FAM13B: variants seen among roughly 807,000 people sequenced by gnomAD.
FAM13B encodes family with sequence similarity 13 member B.
A neutral mutation model predicts 117.3 loss-of-function variants in FAM13B; 60 were observed. The observed-to-expected ratio is 0.51, with a 90% confidence interval of 0.42 to 0.63. The LOEUF (loss-of-function observed/expected upper bound fraction) is 0.63, where lower values mean the gene tolerates loss of function less well. FAM13B is among the 30% of genes least tolerant of loss of function. The probability of loss-of-function intolerance (pLI) is 0.00; values close to 1 mark genes in which losing one functional copy is unlikely to be tolerated. For missense variants in FAM13B, 972 were observed against 1,091.9 expected, an observed-to-expected ratio of 0.89 and a Z score of 1.55; for synonymous variants, 332 against 356.1, an observed-to-expected ratio of 0.93 and a Z score of 0.76.
chr5:137,954,455 T>TG (rs1025638444), intron 14 of FAM13B, 79 bp from the exon 15 acceptor site: 1 of 1,070,808 alleles, frequency 9.3e-7, no homozygotes, highest in African/African-American at 1.6e-5. Flanking sequence ...ATCAGCTATG[T>TG]GTTCCTTAAA....
chr5:138,042,578 C>T (rs1484294429), intron 1 of FAM13B, among the ~76,000 whole-genome samples: 1 of 150,294 alleles, frequency 6.7e-6, no homozygotes, highest in African/African-American at 2.5e-5. Flanking sequence ...ACAGTGTTTC[C>T]CAAAAAAAGC....
In FAM13B at chr5:137,939,826, T is replaced by C; in HGVS notation, c.*399A>G. 7.9e-7 allele frequency: 1 copy of C among 1,269,090 alleles called. No individual in the cohort carries two copies. The allele number at this position is 1,269,090 out of a possible 1,614,324, so 78.6% of individuals were successfully genotyped here. The stretch of plus-strand genomic sequence containing the variant: ...CTGTAAGAAAAAGGCAACAGAAGAA[T>C]TCAGTATGAAGATTTTCCTCCAATT... On this transcript the variant is annotated 3_prime_UTR_variant, in exon 24 of 24. Coordinates refer to ENST00000689681, the MANE Select transcript of FAM13B (RefSeq NM_001385994.1).
chr5:138,007,931 G>T (rs996287805), intron 6 of FAM13B, among the ~76,000 whole-genome samples: 1 of 152,186 alleles, frequency 6.6e-6, no homozygotes. Flanking sequence ...TCTGAGCAAT[G>T]CAAGTATGCT....
chr5:138,049,366 C>T (rs369923827), intron 1 of FAM13B, among the ~76,000 whole-genome samples: 18 of 152,124 alleles, frequency 1.2e-4, no homozygotes, highest in African/African-American at 3.6e-4. Flanking sequence ...CTCTGCCTCC[C>T]GGGTTCAAGC....
intron 7 of FAM13B, among the ~76,000 whole-genome samples, chr5:138,000,280 T>G (rs950103201): frequency 1.3e-5 from 2 of 152,030 alleles, no homozygotes; most frequent in South Asian, 2.1e-4. Flanking sequence ...ATGCCTGTAG[T>G]CCTAGCTATT....
intron 7 of FAM13B, among the ~76,000 whole-genome samples, chr5:137,996,734 G>T (rs999923113): frequency 3.9e-5 from 6 of 151,908 alleles, no homozygotes; most frequent in Non-Finnish European, 8.8e-5. Context: ...TGGGATTACA[G>T]GCGCTCACCA....
intron 10 of FAM13B, among the ~76,000 whole-genome samples, chr5:137,975,979 C>CTTTTTTTTT (rs1561483320): frequency 3.8e-4 from 4 of 10,410 alleles, no homozygotes; most frequent in African/African-American, 8.8e-4. Context: ...CTCAACTCTT[C>CTTTTTTTTT]CTTTTTTTTT....
chr5:138,034,495 T>C (rs1196676600), upstream of FAM13B, among the ~76,000 whole-genome samples: 2 of 152,192 alleles, frequency 1.3e-5, no homozygotes, highest in African/African-American at 4.8e-5. Context: ...TAAGAAGGGA[T>C]TGTCCAAGGC....
intron 1 of FAM13B, among the ~76,000 whole-genome samples, chr5:138,046,636 G>A (rs1791647871): frequency 6.6e-6 from 1 of 152,214 alleles, no homozygotes; most frequent in African/African-American, 2.4e-5. Context: ...TCAATTTGGA[G>A]CTATTGATAA....
At position 137,953,466 on chromosome 5, in the gene FAM13B, C is replaced by G. The variant is rs1186199675; in HGVS notation, c.1719-1G>C. 1 of 1,613,356 alleles carries G rather than the reference C, an allele frequency of 6.2e-7. No individual in the cohort carries two copies. The highest frequency in any genetic ancestry group is 8.5e-7 in the Non-Finnish European group (1 of 1,179,794). On this transcript the variant is annotated splice_acceptor_variant, in intron 15 of 23. Coordinates refer to ENST00000689681, the MANE Select transcript of FAM13B (RefSeq NM_001385994.1). LOFTEE classifies it high-confidence loss of function. The stretch of plus-strand genomic sequence containing the variant: ...TGAACTAAAGGATGATCTTCGAATT[C>G]TGAATTAAAACAAAAGGCCAACACT...
chr5:138,040,734 C>T (rs1042880480), intron 1 of FAM13B, among the ~76,000 whole-genome samples: 1 of 151,814 alleles, frequency 6.6e-6, no homozygotes, highest in African/African-American at 2.4e-5. Flanking sequence ...AAATTTAGTA[C>T]CCAGAGAGAA....
At chr5:137,985,813 T>G (rs1276660126) in intron 9 of FAM13B, among the ~76,000 whole-genome samples, 1 of 152,194 alleles carries the variant, frequency 6.6e-6, no homozygotes, top group Non-Finnish European at 1.5e-5. Context: ...TCTTACAGTT[T>G]AGAATATCCA....
At chr5:138,012,894 C>G (rs1784394875) in intron 4 of FAM13B, among the ~76,000 whole-genome samples, 1 of 151,638 alleles carries the variant, frequency 6.6e-6, no homozygotes. Context: ...GACTCCAGTA[C>G]TATGTTGATT....
intron 1 of FAM13B, among the ~76,000 whole-genome samples, chr5:138,047,958 C>A (rs988515929): frequency 1.3e-5 from 2 of 152,038 alleles, no homozygotes; most frequent in Non-Finnish European, 2.9e-5. Flanking sequence ...TTTTAAATAA[C>A]CTTTTTATTT....
intron 10 of FAM13B, among the ~76,000 whole-genome samples, chr5:137,981,289 T>C (rs935370062): frequency 2.6e-5 from 4 of 151,374 alleles, no homozygotes; most frequent in African/African-American, 4.9e-5. Context: ...AGACTAGTAA[T>C]ATAAAAGAAA....
chr5:138,027,054 G>C lies in FAM13B; in HGVS notation c.-203+5728C>G, dbSNP rs552235378. On this transcript the variant is annotated intron_variant, in intron 1 of 23. Coordinates refer to ENST00000689681, the MANE Select transcript of FAM13B (RefSeq NM_001385994.1). Reference sequence around the variant, plus strand: ...GGAGGCTGAGATGGAAGAATTTCTAGAGCCCAGGAGTTTGAGGCTGTAGCG... The same window carrying C: ...GGAGGCTGAGATGGAAGAATTTCTACAGCCCAGGAGTTTGAGGCTGTAGCG... 2.6e-5 allele frequency among the ~76,000 whole-genome samples: 4 copies of C among 152,204 alleles called. No homozygotes were observed. The East Asian group carries it at 5.8e-4, about 22-fold the overall frequency.
At chr5:138,027,451 A>C (rs796198405) in intron 1 of FAM13B, among the ~76,000 whole-genome samples, 1 of 152,350 alleles carries the variant, frequency 6.6e-6, no homozygotes, top group African/African-American at 2.4e-5. Flanking sequence ...AAATAAACTT[A>C]TGCCTGCTCT....
At chr5:137,944,178 T>G (rs1229325223) in intron 20 of FAM13B, among the ~76,000 whole-genome samples, 2 of 152,354 alleles carry the variant, frequency 1.3e-5, no homozygotes, top group Non-Finnish European at 2.9e-5. Context: ...TTCACCCATG[T>G]TGTGGCATCT....
At position 138,051,538 on chromosome 5, in the gene FAM13B, G is replaced by A. The variant is rs565898526; in HGVS notation, c.-203+340C>T. On this transcript the variant is annotated intron_variant, in intron 1 of 3. Transcript: ENST00000502471. ...CTTGCATTTCTCTAATCACAAGTGCGGTTGAGTGTTATGCTTCCTGGCCAG... is the reference window on the plus strand; with the variant it reads ...CTTGCATTTCTCTAATCACAAGTGCAGTTGAGTGTTATGCTTCCTGGCCAG... Among the ~76,000 whole-genome samples, 8 of 152,288 alleles carry A rather than the reference G, an allele frequency of 5.3e-5. 1 individual carries two copies. The South Asian group carries it at 1.2e-3, about 24-fold the overall frequency.
Sources: gnomAD v4.1 joint callset for allele counts (sites outside exome capture counted in the v4.1 genomes callset) on GRCh38, gnomAD v4.1.1 for gene constraint, MANE v1.5 for transcripts, NCBI Gene and HGNC (gene_info 2026-07-23, HGNC 2026-07-21) for gene names.